The following STAR variants were observed in gnomAD, a reference collection of about 807,000 sequenced individuals.
STAR encodes steroidogenic acute regulatory protein.
In STAR, 32 loss-of-function variants were observed where a neutral mutation model predicts 32.3. The observed-to-expected ratio is 0.99, with a 90% CI of 0.75 to 1.33. The LOEUF (loss-of-function observed/expected upper bound fraction) is 1.33, where lower values mean the gene tolerates loss of function less well. Ranked by LOEUF, STAR falls within the 40% of genes most tolerant of loss-of-function variation. The pLI, the probability that STAR is intolerant of heterozygous loss-of-function variation, is 0.00. For synonymous variants in STAR, 134 were observed against 140.5 expected, an observed-to-expected ratio of 0.95 and a Z score of 0.33; for missense variants, 375 against 379.0, an observed-to-expected ratio of 0.99 and a Z score of 0.09.
At chr8:38,148,901 T>C (rs756145329) in intron 1 of STAR, 147 bp from the exon 2 acceptor site, 32 of 679,088 alleles carry the variant, frequency 4.7e-5, no homozygotes, top group Non-Finnish European at 7.8e-5. Context: ...AGCAGGGACC[T>C]GAACTAGAGC....
In STAR at chr8:38,148,292, C is replaced by T. The variant is rs748942681; in HGVS notation, c.214G>A (p.Glu72Lys). 1.9e-6 allele frequency: 3 copies of T among 1,614,016 alleles called. No individual in the cohort carries two copies. The highest frequency in any genetic ancestry group is 2.7e-5 in the African/African-American group (2 of 74,928). ...RLEETLYSDQ[E>K]LAYLQQGEEA... ...TCCCCCTGCTGGAGATAGGCCAGCTCCTGGTCACTGTAGAGAGTCTCTTCC... is the reference window on the plus strand; with the variant it reads ...TCCCCCTGCTGGAGATAGGCCAGCTTCTGGTCACTGTAGAGAGTCTCTTCC... The change falls in exon 3 of 7, where the codon GAG (glutamate) becomes AAG (lysine). Residue 72 changes from glutamate (E) to lysine (K), a missense_variant. By Grantham distance (56) the Glu-to-Lys change is moderately conservative. Coordinates refer to ENST00000276449, the MANE Select transcript of STAR (RefSeq NM_000349.3).
In STAR at chr8:38,150,812, G is replaced by T; in HGVS notation, c.7C>A (p.Leu3Ile). 6.2e-7 allele frequency: 1 copy of T among 1,605,966 alleles called. No individual in the cohort carries two copies. Among genetic ancestry groups the T allele is most frequent in the Admixed American group, 1.7e-5 (1 of 60,014 alleles). ...CCAGCGCACAGCTTGAATGTCGCTAGCAGCATTGTTTCCTGGCAAATGTGG... is the reference window on the plus strand; with the variant it reads ...CCAGCGCACAGCTTGAATGTCGCTATCAGCATTGTTTCCTGGCAAATGTGG... Reference protein sequence around the residue: MLLATFKLCAGSS... With the variant: MLIATFKLCAGSS... The change falls in exon 1 of 7, where the codon CTA becomes ATA. Residue 3 changes from leucine (L) to isoleucine (I), a missense_variant. Transcript: ENST00000276449.
rs756313214 is a variant in STAR, at chr8:38,146,467, C to G, written c.307-20G>C. 1.2e-6 allele frequency: 2 copies of G among 1,612,858 alleles called. No individual in the cohort carries two copies. Among genetic ancestry groups the G allele is most frequent in the Non-Finnish European group, 1.7e-6 (2 of 1,179,906 alleles). On this transcript the variant is annotated intron_variant, in intron 3 of 6. Coordinates refer to ENST00000276449, the MANE Select transcript of STAR (RefSeq NM_000349.3). ...ATTGTCCTGTCAGAGAAAGGAGCCC[C>G]CAGAAGGTGGTTAGACAAAAATATT...
At chr8:38,150,620 CTG>C (rs767847563) in intron 1 of STAR, 133 bp downstream of exon 1, 3 of 1,396,864 alleles carry the variant, frequency 2.1e-6, no homozygotes, top group African/African-American at 1.4e-5. Context: ...GAGGGGAAAA[CTG>C]AGATTCAAGA....
rs140691150 is a variant in STAR, at chr8:38,145,372, C to G, written c.651-57G>C. The G allele has an allele frequency of 6.6e-4, 1,066 of 1,609,924 alleles. 1 individual carries two copies. Among genetic ancestry groups the G allele is most frequent in the Admixed American group, 1.1e-3 (63 of 59,946 alleles). ...AGTTGCGAGTTCTCTCTTGCACTGGCTGCTTACACCAGTACCATAGATAAC... is the reference window on the plus strand; with the variant it reads ...AGTTGCGAGTTCTCTCTTGCACTGGGTGCTTACACCAGTACCATAGATAAC... On this transcript the variant is annotated intron_variant, in intron 5 of 6. Coordinates refer to ENST00000276449, the MANE Select transcript of STAR (RefSeq NM_000349.3).
chr8:38,148,136 C>A, intron 3 of STAR, 64 bp downstream of exon 3: 1 of 1,609,396 alleles, frequency 6.2e-7, no homozygotes, highest in Middle Eastern at 1.7e-4. Context: ...AAATAGTAAC[C>A]CCAGCTGGCC....
Position 38,148,636 on chromosome 8 carries a change from C to G in STAR, c.178+5G>C. 1 of 1,613,938 alleles carries G rather than the reference C, an allele frequency of 6.2e-7. No individual in the cohort carries two copies. Among genetic ancestry groups the G allele is most frequent in the South Asian group, 1.1e-5 (1 of 91,090 alleles). On this transcript the variant is annotated splice_donor_5th_base_variant and intron_variant, in intron 2 of 6. Coordinates refer to ENST00000276449, the MANE Select transcript of STAR (RefSeq NM_000349.3). Reference sequence around the variant, plus strand: ...CACCAGGAGCCCAGAAGCCTCAGCACTTACCGAGTAGAGAGCTCCGCCGCC... The same window carrying G: ...CACCAGGAGCCCAGAAGCCTCAGCAGTTACCGAGTAGAGAGCTCCGCCGCC...
chr8:38,143,375 C>T lies in STAR; in HGVS notation c.*898G>A, dbSNP rs1488123117. 1.3e-5 allele frequency among the ~76,000 whole-genome samples: 2 copies of T among 149,218 alleles called. No homozygotes were observed. The highest frequency in any genetic ancestry group is 6.8e-5 in the Admixed American group (1 of 14,708). The stretch of plus-strand genomic sequence containing the variant: ...ACGCTGGAGCGCAGTGGCACAATCT[C>T]GGCCCACTACAACCTCCGCCTCCGG... On this transcript the variant is annotated 3_prime_UTR_variant, in exon 7 of 7. Coordinates refer to ENST00000276449, the MANE Select transcript of STAR (RefSeq NM_000349.3).
At position 38,148,206 on chromosome 8, in the gene STAR, ACT is replaced by A. The variant is rs765904696; in HGVS notation, c.298_299del (p.Gln101AlafsTer10). Reference sequence around the variant, plus strand: ...GCTTCTCCCCGACACTTACCTGCTGACTCTCCTTCTTCCAGCCCTCTTGGTTG... The same window carrying A: ...GCTTCTCCCCGACACTTACCTGCTGACTCCTTCTTCCAGCCCTCTTGGTTG... ...LSNQEGWKKESQQDNGDKVMS... is the reference protein window; with the variant it reads ...LSNQEGWKKEXQQDNGDKVMS... On this transcript the variant is annotated frameshift_variant, in exon 3 of 7. Transcript: ENST00000276449. LOFTEE classifies it high-confidence loss of function. 1.2e-6 allele frequency: 2 copies of A among 1,613,656 alleles called. No homozygotes were observed. The highest frequency in any genetic ancestry group is 1.7e-6 in the Non-Finnish European group (2 of 1,179,876).
chr8:38,144,236 G>T lies in STAR; in HGVS notation c.*37C>A. ...ATTCTCCTGATGAGCGTGTGTACCA[G>T]TGCAGCTGGGCACAGTTGGGAACAG... On this transcript the variant is annotated 3_prime_UTR_variant, in exon 7 of 7. Coordinates refer to ENST00000276449, the MANE Select transcript of STAR (RefSeq NM_000349.3). 1 of 1,574,398 alleles carries T rather than the reference G, an allele frequency of 6.4e-7. No homozygotes were observed. Among genetic ancestry groups the T allele is most frequent in the Non-Finnish European group, 8.6e-7 (1 of 1,157,648 alleles).
chr8:38,150,891 T>C lies in STAR; in HGVS notation c.-73A>G. The C allele has an allele frequency of 6.3e-7, 1 of 1,599,300 alleles. No individual in the cohort carries two copies. ...GCCGCCGCTGCTGCTGCCTCTTCTC[T>C]CAAGGGTGGTTCTTCGTCCTTCCTG... is the stretch of plus-strand genomic sequence containing the variant. On this transcript the variant is annotated 5_prime_UTR_variant, in exon 1 of 7. Coordinates refer to ENST00000276449, the MANE Select transcript of STAR (RefSeq NM_000349.3).
chr8:38,145,881 G>C lies in STAR; in HGVS notation c.650+82C>G, dbSNP rs549988540. On this transcript the variant is annotated intron_variant, in intron 5 of 6. Coordinates refer to ENST00000276449, the MANE Select transcript of STAR (RefSeq NM_000349.3). Reference sequence around the variant, plus strand: ...CACCAAGGGTTGGTTTCTTGGAGCTGGGGATGCAGTCCACATGCTTGGGTG... The same window carrying C: ...CACCAAGGGTTGGTTTCTTGGAGCTCGGGATGCAGTCCACATGCTTGGGTG... 40 of 1,567,368 alleles carry C rather than the reference G, an allele frequency of 2.6e-5. No individual in the cohort carries two copies. The African/African-American group carries it at 3.5e-4, about 14-fold the overall frequency.
At chr8:38,145,027 A>T (rs565018978) in intron 6 of STAR, 195 bp downstream of exon 6, 2 of 1,400,000 alleles carry the variant, frequency 1.4e-6, no homozygotes, top group Non-Finnish European at 1.9e-6. Context: ...AAAAAAAAAA[A>T]AAGAAGAGGG....
chr8:38,148,776 G>T lies in STAR; in HGVS notation c.65-22C>A, dbSNP rs759535218. On this transcript the variant is annotated intron_variant, in intron 1 of 6. Transcript: ENST00000276449. ...AGCCCTGCAGAAGGGAATAACCCTT[G>T]TCTAGGAGCTGGAAAGCCCCTTAGA... 3.1e-6 allele frequency: 5 copies of T among 1,598,258 alleles called. No homozygotes were observed. The South Asian group carries it at 5.5e-5, about 18-fold the overall frequency.
chr8:38,145,200 G>A, intron 6 of STAR, 22 bp downstream of exon 6: 1 of 1,613,930 alleles, frequency 6.2e-7, no homozygotes, highest in Non-Finnish European at 8.5e-7. Flanking sequence ...TGCCTTCCAG[G>A]TCCCCCTCCC....
intron 1 of STAR, 119 bp downstream of exon 1, chr8:38,150,636 G>T: frequency 2.7e-6 from 4 of 1,502,880 alleles, no homozygotes; most frequent in Non-Finnish European, 3.6e-6. Context: ...TTCAAGAAGG[G>T]AAGAAACTTG....
At chr8:38,144,913 G>A (rs1311356375) in intron 6 of STAR, 2 of 917,468 alleles carry the variant, frequency 2.2e-6, no homozygotes, top group African/African-American at 1.7e-5. Context: ...GGAGGCTGAG[G>A]CGGAAGAATC....
rs1168253896 is a variant in STAR, at chr8:38,143,969, T to C, written c.*304A>G. The C allele has an allele frequency of 2.7e-6, 1 of 367,678 alleles. No homozygotes were observed. Among genetic ancestry groups the C allele is most frequent in the East Asian group, 6.8e-5 (1 of 14,708 alleles). 22.8% of individuals were successfully genotyped at this position (367,678 alleles called of 1,614,324 possible). On this transcript the variant is annotated 3_prime_UTR_variant, in exon 7 of 7. Coordinates refer to ENST00000276449, the MANE Select transcript of STAR (RefSeq NM_000349.3). ...ATATCAGCCACTAGCATTTTAAAGA[T>C]GGTTTTAGGTGGGTACATAAGGGCC...
chr8:38,149,477 T>C (rs144575072), intron 1 of STAR, among the ~76,000 whole-genome samples: 103 of 152,314 alleles, frequency 6.8e-4, no homozygotes, highest in African/African-American at 2.3e-3. Flanking sequence ...TTTCTGCCCC[T>C]TCCTGGCTAT....
Sources: allele counts gnomAD v4.1 joint callset (sites outside exome capture counted in the v4.1 genomes callset), GRCh38; gene constraint gnomAD v4.1.1; transcripts MANE v1.5; gene names NCBI Gene and HGNC (gene_info 2026-07-23, HGNC 2026-07-21).